The following CDH4 variants were observed in gnomAD, a reference collection of about 807,000 sequenced individuals.
The protein encoded by CDH4 is cadherin 4, also known as cadherin-4.
A neutral mutation model predicts 86.0 loss-of-function variants in CDH4; 33 were observed. The observed-to-expected ratio is 0.38, with a 90% CI of 0.29 to 0.51. CDH4 has a LOEUF of 0.51. Among genes scored for constraint, CDH4 ranks in the 20% least tolerant of loss-of-function variants. CDH4 has a pLI of 0.86. For synonymous variants in CDH4, 555 were observed against 549.4 expected (o/e 1.01, Z -0.14); for missense variants, 1,114 against 1,307.4 (o/e 0.85, Z 2.28).
chr20:61,332,802 G>A (rs940740417), intron 2 of CDH4, among the ~76,000 whole-genome samples: 4 of 152,212 alleles, frequency 2.6e-5, no homozygotes, highest in African/African-American at 4.8e-5. Context: ...CGGCTGTGGC[G>A]CCAGTCCTTC....
intron 2 of CDH4, among the ~76,000 whole-genome samples, chr20:61,724,363 C>G (rs553177700): frequency 1.3e-5 from 2 of 152,188 alleles, no homozygotes; most frequent in Admixed American, 1.3e-4. Flanking sequence ...TTCAGAACCC[C>G]GTGTCCCGCC....
rs1399972844 is a variant in CDH4 at position 61,703,356 on chromosome 20, C to G, written c.170-40207C>G. ...CACGAGTGTCATGGAGAAAATAGGC[C>G]TGGCAGGATGGACACAGTTGATACT... On this transcript the variant is annotated intron_variant, in intron 2 of 15. Transcript: ENST00000614565. The surrounding 1 kb of genome is among the most constrained non-coding windows in gnomAD (Gnocchi z 4.3). 6.6e-6 allele frequency among the ~76,000 whole-genome samples: 1 copy of G among 152,138 alleles called. No individual in the cohort carries two copies. Among genetic ancestry groups the G allele is most frequent in the Non-Finnish European group, 1.5e-5 (1 of 68,026 alleles).
intron 6 of CDH4, among the ~76,000 whole-genome samples, chr20:61,859,111 G>T (rs564057564): frequency 6.6e-6 from 1 of 152,336 alleles, no homozygotes; most frequent in African/African-American, 2.4e-5. Context: ...TCTAAGAGGT[G>T]CATGGTGGCC....
At chr20:61,408,002 T>C (rs2085093445) in intron 2 of CDH4, among the ~76,000 whole-genome samples, 1 of 152,182 alleles carries the variant, frequency 6.6e-6, no homozygotes, top group African/African-American at 2.4e-5. Context: ...GAAAGCCACC[T>C]GTCTAAAATG....
rs553482058 is a variant in CDH4, at chr20:61,902,099, C to T, written c.1188+7052C>T. 1.3e-5 allele frequency among the ~76,000 whole-genome samples: 2 copies of T among 152,228 alleles called. No homozygotes were observed. Among genetic ancestry groups the T allele is most frequent in the East Asian group, 1.9e-4 (1 of 5,190 alleles). ...GCCTGGAGCCAGGGGCACCTTCTGG[C>T]TTCCAGCAACTGATGGAAATTCAAA... On this transcript the variant is annotated intron_variant, in intron 8 of 15. Coordinates refer to ENST00000614565, the MANE Select transcript of CDH4 (RefSeq NM_001794.5). The surrounding 1 kb of genome is among the most constrained non-coding windows in gnomAD (Gnocchi z 4.6).
At position 61,743,705 on chromosome 20, in the gene CDH4, A is replaced by G. The variant is rs771640620; in HGVS notation, c.312A>G (p.Ala104=). Residue 104 remains alanine, a synonymous_variant, in exon 3 of 16, where the codon GCA becomes GCG. Coordinates refer to ENST00000614565, the MANE Select transcript of CDH4 (RefSeq NM_001794.5). ...AGCAGGTGGCGTTCACGGTGACTGC[A>G]TGGGACAGCCAGACAGCAGAGAAAT... ...PSEQVAFTVT[A]WDSQTAEKWD... 32 of 1,610,810 alleles carry G rather than the reference A, an allele frequency of 2.0e-5. No individual in the cohort carries two copies. The highest frequency in any genetic ancestry group is 2.7e-5 in the Non-Finnish European group (32 of 1,178,872).
intron 2 of CDH4, among the ~76,000 whole-genome samples, chr20:61,305,029 G>A (rs997230609): frequency 2.6e-5 from 4 of 151,706 alleles, no homozygotes; most frequent in African/African-American, 4.8e-5. Context: ...CATGTGTGTT[G>A]TATGTGTGTG....
intron 7 of CDH4, among the ~76,000 whole-genome samples, chr20:61,890,371 G>A (rs530964349): frequency 2.0e-5 from 3 of 150,698 alleles, no homozygotes; most frequent in African/African-American, 7.3e-5. Context: ...ATAATGGATG[G>A]GTAAGCAGAT....
intron 2 of CDH4, among the ~76,000 whole-genome samples, chr20:61,381,437 C>T (rs550810928): frequency 3.3e-5 from 5 of 152,222 alleles, no homozygotes; most frequent in East Asian, 1.9e-4. Context: ...TAGCAGTTTA[C>T]GATTAACAAA....
intron 2 of CDH4, among the ~76,000 whole-genome samples, chr20:61,357,637 A>G (rs1041015774): frequency 3.3e-5 from 5 of 152,218 alleles, no homozygotes; most frequent in Non-Finnish European, 1.5e-5. Flanking sequence ...AGGGATGGAC[A>G]AGTGGTCATT....
rs1980460502 is a variant in CDH4 at position 61,811,962 on chromosome 20, G to A, written c.577-32706G>A. On this transcript the variant is annotated intron_variant, in intron 4 of 15. Coordinates refer to ENST00000614565, the MANE Select transcript of CDH4 (RefSeq NM_001794.5). The surrounding 1 kb of genome is among the most constrained non-coding windows in gnomAD (Gnocchi z 4.4). The stretch of plus-strand genomic sequence containing the variant: ...GCTAGGATTATAGGCATGAGCCACT[G>A]CACCTAGCCGCCTGCTGTCCTTCAG... Among the ~76,000 whole-genome samples, 1 of 152,098 alleles carries A rather than the reference G, an allele frequency of 6.6e-6. No individual in the cohort carries two copies. The highest frequency in any genetic ancestry group is 2.4e-5 in the African/African-American group (1 of 41,416).
chr20:61,707,397 A>T (rs1244239631), intron 2 of CDH4, among the ~76,000 whole-genome samples: 1 of 152,222 alleles, frequency 6.6e-6, no homozygotes, highest in Non-Finnish European at 1.5e-5. Flanking sequence ...CAGGGAAAGG[A>T]CATCTTAAAC....
rs969320015 is a variant in CDH4, at chr20:61,852,804, C to A, written c.783C>A (p.Ile261=). 2 of 1,613,942 alleles carry A rather than the reference C, an allele frequency of 1.2e-6. No homozygotes were observed. Among genetic ancestry groups the A allele is most frequent in the Admixed American group, 1.7e-5 (1 of 60,016 alleles). The stretch of plus-strand genomic sequence containing the variant: ...ATGGCAACAAGGTGGAGAACCCCAT[C>A]GACCTGTACATCTACGTCATCGACA... The part of the protein sequence containing the change: ...DMNGNKVENP[I]DLYIYVIDMN... Residue 261 remains isoleucine, a synonymous_variant, in exon 6 of 16, where the codon ATC becomes ATA. Coordinates refer to ENST00000614565, the MANE Select transcript of CDH4 (RefSeq NM_001794.5).
At chr20:61,650,279 G>C (rs890869293) in intron 2 of CDH4, among the ~76,000 whole-genome samples, 6 of 152,150 alleles carry the variant, frequency 3.9e-5, no homozygotes, top group Non-Finnish European at 8.8e-5. Context: ...CTCGTTTACT[G>C]TTCAAGATTC....
intron 2 of CDH4, among the ~76,000 whole-genome samples, chr20:61,573,493 A>C (rs1362998579): frequency 6.6e-6 from 1 of 152,214 alleles, no homozygotes; most frequent in African/African-American, 2.4e-5. Context: ...GAAGTGGGGC[A>C]TGGAGAGCGC....
chr20:61,546,823 C>T (rs955946167), intron 2 of CDH4, among the ~76,000 whole-genome samples: 5 of 152,076 alleles, frequency 3.3e-5, no homozygotes, highest in African/African-American at 7.2e-5. Flanking sequence ...GCTGGCTGGG[C>T]GCCGACGCGG....
At chr20:61,925,096 C>T (rs996952551) in intron 11 of CDH4, among the ~76,000 whole-genome samples, 1 of 152,024 alleles carries the variant, frequency 6.6e-6, no homozygotes, top group Non-Finnish European at 1.5e-5. Flanking sequence ...GTGGCAAGGT[C>T]CCGGGGCAGG....
intron 2 of CDH4, among the ~76,000 whole-genome samples, chr20:61,367,275 G>T (rs1254592786): frequency 6.6e-6 from 1 of 152,190 alleles, no homozygotes; most frequent in Admixed American, 6.5e-5. Flanking sequence ...TGCTCGCTCT[G>T]TGCTAAACAC....
chr20:61,398,705 T>C (rs1185965565), intron 2 of CDH4, among the ~76,000 whole-genome samples: 1 of 152,246 alleles, frequency 6.6e-6, no homozygotes, highest in Non-Finnish European at 1.5e-5. Context: ...TAAAAATATC[T>C]TCACCACCAC....
Sources: gnomAD v4.1 joint callset for allele counts (sites outside exome capture counted in the v4.1 genomes callset) on GRCh38, gnomAD v4.1.1 for gene constraint, Gnocchi (gnomAD v3.1) non-coding constraint, MANE v1.5 for transcripts, NCBI Gene and HGNC (gene_info 2026-07-23, HGNC 2026-07-21) for gene names.